The following ADGRL4 variants were observed in gnomAD, a reference collection of about 807,000 sequenced individuals.
ADGRL4 encodes the protein EGF, latrophilin and seven transmembrane domain containing 1.
In ADGRL4, 90 loss-of-function variants were observed where a neutral mutation model predicts 74.8. The ratio of observed to expected loss-of-function variants is 1.20; its 90% CI spans 1.02 to 1.43. The LOEUF (loss-of-function observed/expected upper bound fraction) is 1.43. Ranked by LOEUF, ADGRL4 falls within the 40% of genes most tolerant of loss-of-function variation. The pLI is 0.00. For missense variants in ADGRL4, 881 were observed against 814.3 expected, an observed-to-expected ratio of 1.08 and a Z score of -1.00; for synonymous variants, 311 against 279.2, an observed-to-expected ratio of 1.11 and a Z score of -1.14.
chr1:78,929,837 A>T (rs1169041179), intron 7 of ADGRL4, among the ~76,000 whole-genome samples: 1 of 151,490 alleles, frequency 6.6e-6, no homozygotes, highest in Non-Finnish European at 1.5e-5. Flanking sequence ...TTTCTTCAGG[A>T]TATTAATTCC....
intron 3 of ADGRL4, among the ~76,000 whole-genome samples, chr1:78,940,792 T>A (rs1319419385): frequency 6.6e-6 from 1 of 152,202 alleles, no homozygotes; most frequent in African/African-American, 2.4e-5. Context: ...TAGCTAGTTA[T>A]CTTAAATGCA....
chr1:78,946,867 A>G (rs180906295), intron 2 of ADGRL4, among the ~76,000 whole-genome samples: 103 of 152,344 alleles, frequency 6.8e-4, no homozygotes, highest in African/African-American at 2.4e-3. Context: ...ACTGTTCCAC[A>G]GAAAAAATTT....
intron 2 of ADGRL4, among the ~76,000 whole-genome samples, chr1:78,974,235 T>C (rs1650234514): frequency 6.6e-6 from 1 of 152,148 alleles, no homozygotes. Context: ...CCTACAAAGA[T>C]GGGAGGAGAA....
chr1:78,958,776 TAAAAG>T (rs1273986250), intron 2 of ADGRL4, among the ~76,000 whole-genome samples: 2 of 152,340 alleles, frequency 1.3e-5, no homozygotes, highest in East Asian at 3.9e-4. Flanking sequence ...ACTCCAATTT[TAAAAG>T]ATATTCCATG....
At chr1:78,989,712 G>C (rs946494125) in intron 2 of ADGRL4, among the ~76,000 whole-genome samples, 1 of 151,878 alleles carries the variant, frequency 6.6e-6, no homozygotes. Context: ...TGGGAAAGTA[G>C]AAAGAGACTG....
intron 6 of ADGRL4, 106 bp downstream of exon 6, chr1:78,937,701 G>A: frequency 1.1e-6 from 1 of 938,298 alleles, no homozygotes; most frequent in Non-Finnish European, 1.6e-6. Flanking sequence ...TACTTTCAAT[G>A]TAATCAATAC....
In ADGRL4 at chr1:78,893,120, C is replaced by T. The variant is rs1176647648; in HGVS notation, c.1819G>A (p.Val607Ile). The T allele has an allele frequency of 1.9e-6, 3 of 1,575,992 alleles. No individual in the cohort carries two copies. The highest frequency in any genetic ancestry group is 2.3e-5 in the East Asian group (1 of 43,286). The change falls in exon 13 of 15, where the codon GTT becomes ATT. Residue 607 changes from valine (V) to isoleucine (I), a missense_variant. Val to Ile is a conservative substitution (Grantham distance 29). Coordinates refer to ENST00000370742, the MANE Select transcript of ADGRL4 (RefSeq NM_022159.4). ...FRHTAGLKPEVSCFENIRSCA... is the reference protein window; with the variant it reads ...FRHTAGLKPEISCFENIRSCA... ...TACCTTATGTTCTCAAAGCAACTAA[C>T]TTCTGGTTTCAACCCTGCAGTGTGA...
At chr1:78,964,163 C>G (rs1650008912) in intron 2 of ADGRL4, among the ~76,000 whole-genome samples, 1 of 152,038 alleles carries the variant, frequency 6.6e-6, no homozygotes, top group Non-Finnish European at 1.5e-5. Context: ...TACTTAAGAG[C>G]AAAGGAGACT....
At chr1:78,896,466 C>T (rs1440319371) in intron 12 of ADGRL4, among the ~76,000 whole-genome samples, 1 of 151,924 alleles carries the variant, frequency 6.6e-6, no homozygotes. Context: ...CTATTTTTTT[C>T]TGCAATCTTC....
intron 13 of ADGRL4, 129 bp from the exon 14 acceptor site, chr1:78,891,821 G>T: frequency 1.4e-6 from 1 of 733,830 alleles, no homozygotes; most frequent in Non-Finnish European, 2.1e-6. Flanking sequence ...AGACCCAATA[G>T]AATTTCCAAA....
intron 2 of ADGRL4, among the ~76,000 whole-genome samples, chr1:78,972,381 T>G (rs1650188227): frequency 6.6e-6 from 1 of 152,144 alleles, no homozygotes. Flanking sequence ...TTAATAGACC[T>G]CATAAATATT....
At chr1:78,900,612 T>G (rs545797693) in intron 12 of ADGRL4, among the ~76,000 whole-genome samples, 74 of 152,268 alleles carry the variant, frequency 4.9e-4, no homozygotes, top group African/African-American at 1.8e-3. Context: ...TTTGCTGTTC[T>G]TGTGACAGAG....
chr1:78,931,479 C>G (rs562644834), intron 7 of ADGRL4, among the ~76,000 whole-genome samples: 1 of 151,242 alleles, frequency 6.6e-6, no homozygotes, highest in African/African-American at 2.5e-5. Flanking sequence ...GCAAAAGCAA[C>G]CAAAATATAA....
Position 78,889,837 on chromosome 1 carries a change from T to A in ADGRL4, c.*1317A>T, listed in dbSNP as rs545129591. The stretch of plus-strand genomic sequence containing the variant: ...ATTTCAACAGCTGGAGGAATTAATT[T>A]AAAATCACAAATTTAGTGTATTGGC... On this transcript the variant is annotated 3_prime_UTR_variant, in exon 15 of 15. Coordinates refer to ENST00000370742, the MANE Select transcript of ADGRL4 (RefSeq NM_022159.4). 10 of 465,096 alleles carry A rather than the reference T, an allele frequency of 2.2e-5. No individual in the cohort carries two copies. The highest frequency in any genetic ancestry group is 1.4e-4 in the African/African-American group (7 of 49,986). 28.8% of individuals were successfully genotyped at this position (465,096 alleles called of 1,614,324 possible).
chr1:78,991,722 T>G (rs1053719964), intron 2 of ADGRL4, among the ~76,000 whole-genome samples: 5 of 151,828 alleles, frequency 3.3e-5, no homozygotes, highest in Non-Finnish European at 7.4e-5. Context: ...GTCAACCAAC[T>G]AAGTATAATG....
At chr1:78,977,604 G>C (rs1650311210) in intron 2 of ADGRL4, among the ~76,000 whole-genome samples, 1 of 151,914 alleles carries the variant, frequency 6.6e-6, no homozygotes, top group Admixed American at 6.6e-5. Context: ...ATGCGAAGCT[G>C]TTGCAAGGAG....
chr1:78,899,881 C>A (rs1045787495), intron 12 of ADGRL4, among the ~76,000 whole-genome samples: 1 of 151,536 alleles, frequency 6.6e-6, no homozygotes, highest in African/African-American at 2.4e-5. Flanking sequence ...GCTCCCCCTC[C>A]AAAAAAATGT....
intron 2 of ADGRL4, among the ~76,000 whole-genome samples, chr1:78,959,808 A>G (rs1267716132): frequency 6.6e-6 from 1 of 152,174 alleles, no homozygotes; most frequent in Admixed American, 6.6e-5. Context: ...AAGGATAGAC[A>G]CTTTTACATC....
chr1:79,006,647 C>T lies in ADGRL4; in HGVS notation c.8G>A (p.Arg3His). 4 of 1,515,566 alleles carry T rather than the reference C, an allele frequency of 2.6e-6. No homozygotes were observed. The highest frequency in any genetic ancestry group is 3.5e-6 in the Non-Finnish European group (4 of 1,133,552). 93.9% of individuals were successfully genotyped at this position (1,515,566 alleles called of 1,614,324 possible). The change falls in exon 1 of 15, where the codon CGC becomes CAC. Residue 3 changes from arginine to histidine, a missense_variant. Arg to His is a conservative substitution (Grantham distance 29). Transcript: ENST00000370742. MK[R>H]LPLLVVFSTL... ...TGAGCACTCACCTAGGAGCGGGAGG[C>T]GTTTCATTGGCGGTGGCCGCAGTGG... is the stretch of plus-strand genomic sequence containing the variant.
Sources: allele counts gnomAD v4.1 joint callset (sites outside exome capture counted in the v4.1 genomes callset), GRCh38; gene constraint gnomAD v4.1.1; transcripts MANE v1.5; gene names NCBI Gene and HGNC (gene_info 2026-07-23, HGNC 2026-07-21).